The following STARD10 variants were observed in gnomAD, a reference collection of about 807,000 sequenced individuals.
STARD10 encodes the protein StAR related lipid transfer domain containing 10.
STARD10 carries 24 observed loss-of-function variants against 36.0 expected under a neutral mutation model. That is an observed-to-expected ratio of 0.67 (90% CI 0.48 to 0.94). The LOEUF (loss-of-function observed/expected upper bound fraction) is 0.94. STARD10 is among the 40% of genes least tolerant of loss of function. STARD10 has a pLI of 0.00. For synonymous variants in STARD10, 156 were observed against 161.9 expected, an observed-to-expected ratio of 0.96 and a Z score of 0.28; for missense variants, 335 against 396.6, an observed-to-expected ratio of 0.84 and a Z score of 1.32.
At position 72,793,671 on chromosome 11, in the gene STARD10, C is replaced by A. The variant is rs964098400; in HGVS notation, c.-910G>T. 2.6e-5 allele frequency: 4 copies of A among 152,252 alleles called. No individual in the cohort carries two copies. Among genetic ancestry groups the A allele is most frequent in the Admixed American group, 2.6e-4 (4 of 15,288 alleles). The allele number at this position is 152,252 out of a possible 1,614,324, so 9.4% of individuals were successfully genotyped here. A position where few individuals can be genotyped will look rare whatever the true frequency, so the allele number is the denominator to read the frequency against. ...TTTATTACGGTTATCTTCGCTCAGG[C>A]GCCCCCACGTGTCGATCCCGAGACT... is the stretch of plus-strand genomic sequence containing the variant. On this transcript the variant is annotated 5_prime_UTR_variant, in exon 1 of 7. Transcript: ENST00000334805.
chr11:72,775,000 C>A (rs1020001610), intron 2 of STARD10, among the ~76,000 whole-genome samples: 9 of 152,208 alleles, frequency 5.9e-5, no homozygotes, highest in Non-Finnish European at 1.3e-4. Context: ...GGGCACAGAG[C>A]CAGCCTGGGG....
At chr11:72,771,617 G>A (rs911785533) in intron 2 of STARD10, among the ~76,000 whole-genome samples, 1 of 152,102 alleles carries the variant, frequency 6.6e-6, no homozygotes, top group African/African-American at 2.4e-5. Flanking sequence ...CGCTCTCCAT[G>A]CAGGGCTGAG....
intron 2 of STARD10, among the ~76,000 whole-genome samples, chr11:72,760,539 G>A (rs1858701722): frequency 6.6e-6 from 1 of 152,180 alleles, no homozygotes; most frequent in Admixed American, 6.5e-5. Flanking sequence ...ATTTCTTACT[G>A]TGTATTAGCC....
chr11:72,776,796 A>C (rs2135622258), intron 2 of STARD10, among the ~76,000 whole-genome samples: 1 of 152,180 alleles, frequency 6.6e-6, no homozygotes, highest in South Asian at 2.1e-4. Context: ...GGCATTTCAT[A>C]GGGTGAGAGG....
intron 2 of STARD10, among the ~76,000 whole-genome samples, chr11:72,774,381 C>A (rs948740034): frequency 1.1e-4 from 16 of 152,222 alleles, no homozygotes; most frequent in Non-Finnish European, 2.1e-4. Flanking sequence ...CAGAGAACAG[C>A]TCCAGCTGCC....
chr11:72,788,337 T>C (rs1859100015), intron 1 of STARD10, among the ~76,000 whole-genome samples: 1 of 152,138 alleles, frequency 6.6e-6, no homozygotes. Context: ...AGAGAGGGTG[T>C]GCAGAGCCGT....
At chr11:72,766,172 C>A (rs1858786132) in intron 2 of STARD10, 1 of 152,140 alleles carries the variant, frequency 6.6e-6, no homozygotes, top group Non-Finnish European at 1.5e-5. Context: ...TAGCCATGCA[C>A]CCTTCCACGT....
chr11:72,786,158 G>A (rs916748919), intron 1 of STARD10, among the ~76,000 whole-genome samples: 18 of 152,240 alleles, frequency 1.2e-4, no homozygotes, highest in Admixed American at 1.1e-3. Context: ...TCAAGACCTG[G>A]CTGGGTAACA....
At chr11:72,761,561 A>C (rs1858716583) in intron 2 of STARD10, among the ~76,000 whole-genome samples, 1 of 152,142 alleles carries the variant, frequency 6.6e-6, no homozygotes, top group Non-Finnish European at 1.5e-5. Context: ...GTTCGAGACC[A>C]GCCTGGCCAA....
rs576067074 is a variant in STARD10, at chr11:72,783,897, G to C, written c.-113-2603C>G. On this transcript the variant is annotated intron_variant, in intron 1 of 6. Coordinates refer to ENST00000334805, the MANE Select transcript of STARD10 (RefSeq NM_006645.3). ...TCAGAGAGGTGCAGATGGCAAGAAT[G>C]AAACCATCACTCAGAGCCAAACACA... Among the ~76,000 whole-genome samples, 46 of 152,236 alleles carry C rather than the reference G, an allele frequency of 3.0e-4. No homozygotes were observed. In the South Asian group the frequency reaches 4.8e-3, roughly 16 times the overall value.
At chr11:72,782,698 A>G (rs892918165) in intron 1 of STARD10, among the ~76,000 whole-genome samples, 1 of 152,136 alleles carries the variant, frequency 6.6e-6, no homozygotes, top group Non-Finnish European at 1.5e-5. Flanking sequence ...TACCTGCACC[A>G]GCGCTCCTGC....
chr11:72,776,240 G>A (rs1186717480), intron 2 of STARD10, among the ~76,000 whole-genome samples: 1 of 152,102 alleles, frequency 6.6e-6, no homozygotes, highest in African/African-American at 2.4e-5. Context: ...CCTCCCCTAC[G>A]CTGGCCTAAG....
intron 4 of STARD10, 86 bp downstream of exon 4, chr11:72,758,444 T>C: frequency 9.4e-7 from 1 of 1,067,368 alleles, no homozygotes; most frequent in South Asian, 1.3e-5. Context: ...CTGCCCGAAG[T>C]CATATTGAAG....
chr11:72,773,770 G>A lies in STARD10; in HGVS notation c.207+7205C>T, dbSNP rs1009948374. Among the ~76,000 whole-genome samples the A allele has an allele frequency of 3.3e-5, 5 of 152,066 alleles. No individual in the cohort carries two copies. In the South Asian group the frequency reaches 6.2e-4, roughly 19 times the overall value. On this transcript the variant is annotated intron_variant, in intron 2 of 6. Coordinates refer to ENST00000334805, the MANE Select transcript of STARD10 (RefSeq NM_006645.3). ...TCCTCAATCCCTATCACGTTATCTC[G>A]TCCTTATGCACAACCATCATCTGGT...
At chr11:72,755,554 A>C (rs765568018) in intron 6 of STARD10, 147 bp downstream of exon 6, 10 of 904,348 alleles carry the variant, frequency 1.1e-5, no homozygotes, top group African/African-American at 5.0e-5. Context: ...CAGGTAATCC[A>C]CCTGCCAAGG....
In STARD10 at chr11:72,754,862, C is replaced by A. The variant is rs1858618231; in HGVS notation, c.*35G>T. The A allele has an allele frequency of 1.3e-6, 2 of 1,575,048 alleles. No individual in the cohort carries two copies. Among genetic ancestry groups the A allele is most frequent in the Non-Finnish European group, 1.7e-6 (2 of 1,170,290 alleles). ...GAGCGGCCGCCGCCCCAGGGCTCGC[C>A]CGGTCCTGTCTCCGTCCCTGAAGCG... On this transcript the variant is annotated 3_prime_UTR_variant, in exon 7 of 7. Transcript: ENST00000334805.
chr11:72,760,547 G>A (rs1591263993), intron 2 of STARD10, among the ~76,000 whole-genome samples: 1 of 152,168 alleles, frequency 6.6e-6, no homozygotes, highest in South Asian at 2.1e-4. Flanking sequence ...CTGTGTATTA[G>A]CCTTGCCCTC....
In STARD10 at chr11:72,755,718, GAGA is replaced by G. The variant is rs753643170; in HGVS notation, c.610_612del (p.Ser204del). ...CCACTCACCTTGGGAGCCAGGAACT[GAGA>G]AGATTTATTCACCACCCACTTGGGT... On this transcript the variant is annotated inframe_deletion, in exon 6 of 7. Coordinates refer to ENST00000334805, the MANE Select transcript of STARD10 (RefSeq NM_006645.3). 4.3e-6 allele frequency: 7 copies of G among 1,613,840 alleles called. No individual in the cohort carries two copies. Among genetic ancestry groups the G allele is most frequent in the East Asian group, 2.2e-5 (1 of 44,868 alleles).
chr11:72,781,520 A>C lies in STARD10; in HGVS notation c.-113-226T>G. 1 of 223,924 alleles carries C rather than the reference A, an allele frequency of 4.5e-6. No individual in the cohort carries two copies. Among genetic ancestry groups the C allele is most frequent in the Non-Finnish European group, 8.7e-6 (1 of 114,758 alleles). 13.9% of individuals were successfully genotyped at this position (223,924 alleles called of 1,614,324 possible). ...CGGTGGCCGGCGGGCGCCCGTCGGG[A>C]CCCAGGGACTGGCCGGGACCCGAGG... On this transcript the variant is annotated intron_variant, in intron 1 of 6. Transcript: ENST00000334805. This position sits in a 1 kb window ranked among gnomAD's most constrained non-coding sequence, Gnocchi z 4.7.
Sources: gnomAD v4.1 joint callset for allele counts (sites outside exome capture counted in the v4.1 genomes callset) on GRCh38, gnomAD v4.1.1 for gene constraint, Gnocchi (gnomAD v3.1) non-coding constraint, MANE v1.5 for transcripts, NCBI Gene and HGNC (gene_info 2026-07-23, HGNC 2026-07-21) for gene names.